The following NWD2 variants were observed in gnomAD, a reference collection of about 807,000 sequenced individuals.
The protein encoded by NWD2 is NACHT and WD repeat domain containing 2.
In NWD2, 37 loss-of-function variants were observed where a neutral mutation model predicts 132.7. The observed-to-expected ratio is 0.28, with a 90% CI of 0.21 to 0.37. The LOEUF (loss-of-function observed/expected upper bound fraction) is 0.37, where lower values mean the gene tolerates loss of function less well. Ranked by LOEUF, NWD2 falls within the 10% of genes least tolerant of loss-of-function variation. The pLI is 1.00. For synonymous variants in NWD2, 705 were observed against 803.0 expected (o/e 0.88, Z 2.06); for missense variants, 1,592 against 2,122.4 (o/e 0.75, Z 4.91).
In NWD2 at chr4:37,247,431, C is replaced by T. The variant is rs764265583; in HGVS notation, c.151+2213C>T. ...ATTATCTCATGCTTTCCTTTACTAG[C>T]GGAAATCCAATTTATGTTCTAAATA... On this transcript the variant is annotated intron_variant, in intron 1 of 6. Coordinates refer to ENST00000309447, the MANE Select transcript of NWD2 (RefSeq NM_001144990.2). Among the ~76,000 whole-genome samples the T allele has an allele frequency of 5.1e-4, 78 of 152,210 alleles. 1 individual carries two copies. The highest frequency in any genetic ancestry group is 6.8e-3 in the Middle Eastern group (2 of 294).
chr4:37,431,056 A>C (rs913113517), intron 4 of NWD2, among the ~76,000 whole-genome samples: 1 of 152,206 alleles, frequency 6.6e-6, no homozygotes, highest in Non-Finnish European at 1.5e-5. Flanking sequence ...ACCCTGTTAC[A>C]CTGTTGGTGG....
intron 3 of NWD2, among the ~76,000 whole-genome samples, chr4:37,388,655 A>ATATATAAATATATATCG (rs1553897006): frequency 2.8e-5 from 4 of 140,824 alleles, no homozygotes; most frequent in South Asian, 2.2e-4. Flanking sequence ...TATATATATC[A>ATATATAAATATATATCG]TATATATCAT....
chr4:37,285,969 T>G (rs1718223635), intron 1 of NWD2, among the ~76,000 whole-genome samples: 1 of 152,222 alleles, frequency 6.6e-6, no homozygotes, highest in Non-Finnish European at 1.5e-5. Flanking sequence ...AACTTGGTGT[T>G]AGAATCATGA....
intron 3 of NWD2, among the ~76,000 whole-genome samples, chr4:37,397,105 G>C (rs147470281): frequency 2.6e-5 from 4 of 152,202 alleles, no homozygotes; most frequent in Admixed American, 2.6e-4. Flanking sequence ...TCTTCAGTGA[G>C]ATAGCCTGGG....
At chr4:37,441,198 G>A (rs1450714813) in intron 6 of NWD2, among the ~76,000 whole-genome samples, 1 of 152,196 alleles carries the variant, frequency 6.6e-6, no homozygotes, top group Non-Finnish European at 1.5e-5. Flanking sequence ...TTAAGCACCA[G>A]ATGAAGTAGC....
Position 37,445,966 on chromosome 4 carries a change from T to C in NWD2, c.3978T>C (p.Ala1326=). 1 of 1,551,616 alleles carries C rather than the reference T, an allele frequency of 6.4e-7. No homozygotes were observed. Among genetic ancestry groups the C allele is most frequent in the Non-Finnish European group, 8.7e-7 (1 of 1,146,948 alleles). The part of the protein sequence containing the change: ...GKPIQSLLLP[A]RGEIIYSLDG... ...CCATCCAAAGTCTGTTGTTGCCTGC[T>C]AGAGGGGAAATCATTTACTCCCTGG... The change falls in exon 7 of 7, where the codon GCT becomes GCC. Residue 1326 remains alanine (A), a synonymous_variant. Coordinates refer to ENST00000309447, the MANE Select transcript of NWD2 (RefSeq NM_001144990.2). The surrounding 1 kb of genome is among the most constrained non-coding windows in gnomAD (Gnocchi z 4.7).
At chr4:37,330,028 T>G (rs759291127) in intron 2 of NWD2, among the ~76,000 whole-genome samples, 1 of 152,188 alleles carries the variant, frequency 6.6e-6, no homozygotes, top group African/African-American at 2.4e-5. Flanking sequence ...TTCAATTAAA[T>G]TAATAGAATA....
In NWD2 at chr4:37,351,194, T is replaced by C. The variant is rs558613190; in HGVS notation, c.241-5172T>C. 2.0e-5 allele frequency among the ~76,000 whole-genome samples: 3 copies of C among 152,338 alleles called. No individual in the cohort carries two copies. In the East Asian group the frequency reaches 5.8e-4, roughly 29 times the overall value. On this transcript the variant is annotated intron_variant, in intron 2 of 6. Coordinates refer to ENST00000309447, the MANE Select transcript of NWD2 (RefSeq NM_001144990.2). ...TGGTATCAGAATGATGCTGGCCTTA[T>C]AAAATAAGTTAGGGAGGATTCCCTC...
rs768411021 is a variant in NWD2, at chr4:37,405,504, C to T, written c.358-25068C>T. Among the ~76,000 whole-genome samples, 90 of 150,054 alleles carry T rather than the reference C, an allele frequency of 6.0e-4. 1 individual carries two copies. Among genetic ancestry groups the T allele is most frequent in the Admixed American group, 7.9e-4 (12 of 15,098 alleles). On this transcript the variant is annotated intron_variant, in intron 3 of 6. Transcript: ENST00000309447. ...TAGAATAGAATAGAAAACATCAGGGCGAATTGCATGTAATAAAGTTAACAA... is the reference window on the plus strand; with the variant it reads ...TAGAATAGAATAGAAAACATCAGGGTGAATTGCATGTAATAAAGTTAACAA...
At chr4:37,263,115 A>T (rs1396437862) in intron 1 of NWD2, among the ~76,000 whole-genome samples, 1 of 152,098 alleles carries the variant, frequency 6.6e-6, no homozygotes, top group Non-Finnish European at 1.5e-5. Flanking sequence ...TGTCACTCCC[A>T]CCAGGGACAA....
chr4:37,265,610 T>G (rs1437829837), intron 1 of NWD2, among the ~76,000 whole-genome samples: 4 of 152,068 alleles, frequency 2.6e-5, no homozygotes, highest in African/African-American at 9.7e-5. Context: ...CCATCTTCAG[T>G]GCCAGTAGCA....
intron 3 of NWD2, among the ~76,000 whole-genome samples, chr4:37,396,675 A>G (rs925521292): frequency 4.6e-5 from 7 of 152,180 alleles, no homozygotes; most frequent in African/African-American, 1.7e-4. Flanking sequence ...TGATCTGCCC[A>G]GTCTCTACAG....
intron 1 of NWD2, among the ~76,000 whole-genome samples, chr4:37,305,760 A>T (rs1186746421): frequency 6.6e-6 from 1 of 152,164 alleles, no homozygotes. Context: ...ATCTGTGTTC[A>T]TCAGGGTTAT....
At position 37,244,810 on chromosome 4, in the gene NWD2, C is replaced by G. The variant is rs980305577; in HGVS notation, c.-258C>G. ...GCTCCAGCTGGCTGCTGCTCGGAGC[C>G]CTAGCAGCGGGCGAAGGCGGAGGCC... is the stretch of plus-strand genomic sequence containing the variant. On this transcript the variant is annotated 5_prime_UTR_variant, in exon 1 of 7. Coordinates refer to ENST00000309447, the MANE Select transcript of NWD2 (RefSeq NM_001144990.2). This position sits in a 1 kb window ranked among gnomAD's most constrained non-coding sequence, Gnocchi z 5.5. The G allele has an allele frequency of 1.3e-4, 61 of 472,432 alleles. No individual in the cohort carries two copies. The highest frequency in any genetic ancestry group is 2.0e-4 in the Non-Finnish European group (55 of 268,304). The allele number at this position is 472,432 out of a possible 1,614,324, so 29.3% of individuals were successfully genotyped here.
chr4:37,315,511 A>G (rs73807485), intron 1 of NWD2, among the ~76,000 whole-genome samples: 3,789 of 151,762 alleles, frequency 0.025, 157 homozygotes, highest in African/African-American at 0.087. Flanking sequence ...ATTTCTTAAA[A>G]CCTATTTTGT....
At chr4:37,318,677 G>C in intron 1 of NWD2, among the ~76,000 whole-genome samples, 1 of 151,876 alleles carries the variant, frequency 6.6e-6, no homozygotes. Flanking sequence ...ACTTATAAGT[G>C]AGAATATATG....
intron 1 of NWD2, among the ~76,000 whole-genome samples, chr4:37,245,664 A>G (rs1235956052): frequency 6.6e-6 from 1 of 151,164 alleles, no homozygotes; most frequent in Non-Finnish European, 1.5e-5. Flanking sequence ...CACTTTTTCC[A>G]GCTGAGGCGA....
At chr4:37,442,351 A>G (rs1474326105) in intron 6 of NWD2, among the ~76,000 whole-genome samples, 1 of 152,194 alleles carries the variant, frequency 6.6e-6, no homozygotes, top group African/African-American at 2.4e-5. Flanking sequence ...GACCTTTCAA[A>G]ACAGAAAGAC....
chr4:37,266,663 A>G (rs1487038750), intron 1 of NWD2, among the ~76,000 whole-genome samples: 1 of 152,058 alleles, frequency 6.6e-6, no homozygotes, highest in African/African-American at 2.4e-5. Flanking sequence ...TGTCGCTACC[A>G]ACTTAGTGTG....
Sources: allele counts gnomAD v4.1 joint callset (sites outside exome capture counted in the v4.1 genomes callset), GRCh38; gene constraint gnomAD v4.1.1; non-coding constraint Gnocchi (gnomAD v3.1); transcripts MANE v1.5; gene names NCBI Gene and HGNC (gene_info 2026-07-23, HGNC 2026-07-21).